The following BRINP2 variants were observed in gnomAD, a reference collection of about 807,000 sequenced individuals.
The protein encoded by BRINP2 is BMP/retinoic acid-inducible neural-specific protein 2.
BRINP2 carries 21 observed loss-of-function variants against 69.2 expected under a neutral mutation model. The observed-to-expected ratio is 0.30, with a 90% CI of 0.22 to 0.44. The LOEUF (loss-of-function observed/expected upper bound fraction) is 0.44. Ranked by LOEUF, BRINP2 falls within the 20% of genes least tolerant of loss-of-function variation. The probability of loss-of-function intolerance (pLI) is 1.00; values close to 1 mark genes in which losing one functional copy is unlikely to be tolerated. For synonymous variants in BRINP2, 380 were observed against 394.1 expected (o/e 0.96, Z 0.42); for missense variants, 877 against 986.0 (o/e 0.89, Z 1.48).
chr1:177,214,816 A>C (rs1328956787), intron 1 of BRINP2, among the ~76,000 whole-genome samples: 2 of 152,200 alleles, frequency 1.3e-5, no homozygotes, highest in African/African-American at 4.8e-5. Flanking sequence ...TATGGGGCAA[A>C]AAGTGATGCT....
At chr1:177,275,270 T>C (rs1194954534) in intron 5 of BRINP2, 7 of 455,938 alleles carry the variant, frequency 1.5e-5, no homozygotes, top group South Asian at 7.7e-5. Flanking sequence ...TGCAGTTGGG[T>C]GAGAAAACTG....
intron 1 of BRINP2, among the ~76,000 whole-genome samples, chr1:177,185,705 A>G (rs371720415): frequency 1.3e-5 from 2 of 152,230 alleles, no homozygotes; most frequent in East Asian, 1.9e-4. Flanking sequence ...GAGGAAACTG[A>G]GACACTGAAA....
intron 2 of BRINP2, among the ~76,000 whole-genome samples, chr1:177,236,706 T>C (rs1214867640): frequency 1.3e-5 from 2 of 152,038 alleles, no homozygotes; most frequent in Non-Finnish European, 2.9e-5. Flanking sequence ...GGTGGAGGCT[T>C]GTGGAATGGT....
At chr1:177,231,073 G>A (rs1649849321) in intron 2 of BRINP2, among the ~76,000 whole-genome samples, 1 of 152,170 alleles carries the variant, frequency 6.6e-6, no homozygotes, top group Non-Finnish European at 1.5e-5. Flanking sequence ...GGCAACTAAA[G>A]GTTCCTGTTG....
intron 2 of BRINP2, among the ~76,000 whole-genome samples, chr1:177,237,927 A>G (rs1416314067): frequency 2.0e-5 from 3 of 152,024 alleles, no homozygotes; most frequent in African/African-American, 4.8e-5. Context: ...AAGGATTCTC[A>G]ATATTTTTTT....
At chr1:177,222,583 A>C (rs1571907404) in intron 1 of BRINP2, among the ~76,000 whole-genome samples, 1 of 152,268 alleles carries the variant, frequency 6.6e-6, no homozygotes, top group East Asian at 1.9e-4. Flanking sequence ...AGGTGCTGGG[A>C]TTACAGGCGT....
intron 1 of BRINP2, among the ~76,000 whole-genome samples, chr1:177,179,466 A>G (rs1246425052): frequency 1.3e-5 from 2 of 152,114 alleles, no homozygotes; most frequent in Non-Finnish European, 2.9e-5. Context: ...ATGTTCCCAA[A>G]CCTATCCCCT....
In BRINP2 at chr1:177,275,352, A is replaced by G. The variant is rs187952662; in HGVS notation, c.776-846A>G. Among the ~76,000 whole-genome samples the G allele has an allele frequency of 1.6e-4, 25 of 152,322 alleles. 1 individual carries two copies. Among genetic ancestry groups the G allele is most frequent in the Admixed American group, 1.4e-3 (22 of 15,300 alleles). On this transcript the variant is annotated intron_variant, in intron 5 of 7. Transcript: ENST00000361539. ...TGGAAGAGAGCTGAGAGCCATTCATATCTATCCAGGCATGACTGATCTCAG... is the reference window on the plus strand; with the variant it reads ...TGGAAGAGAGCTGAGAGCCATTCATGTCTATCCAGGCATGACTGATCTCAG...
At position 177,281,629 on chromosome 1, in the gene BRINP2, C is replaced by G. The variant is rs368294584; in HGVS notation, c.*101C>G. The G allele has an allele frequency of 6.9e-6, 10 of 1,440,610 alleles. No homozygotes were observed. The South Asian group carries it at 1.2e-4, about 18-fold the overall frequency. 89.2% of individuals were successfully genotyped at this position (1,440,610 alleles called of 1,614,324 possible). ...TTAGTGCCAACAGGGTGTGCTCCCA[C>G]GAGACTTTCAGCATCCAGTAGATGG... On this transcript the variant is annotated 3_prime_UTR_variant, in exon 8 of 8. Transcript: ENST00000361539.
chr1:177,272,895 T>C (rs1033132884), intron 4 of BRINP2, among the ~76,000 whole-genome samples: 1 of 152,244 alleles, frequency 6.6e-6, no homozygotes, highest in African/African-American at 2.4e-5. Flanking sequence ...CTATGGTGTT[T>C]TGAAATATTA....
chr1:177,171,443 G>A lies in BRINP2; in HGVS notation c.-366G>A, dbSNP rs1647925805. 1.3e-5 allele frequency: 2 copies of A among 159,182 alleles called. No individual in the cohort carries two copies. The highest frequency in any genetic ancestry group is 2.7e-5 in the Non-Finnish European group (2 of 72,768). The allele number at this position is 159,182 out of a possible 1,614,324, so 9.9% of individuals were successfully genotyped here. ...TGCTCAGCGGGAAGGCAGCAGGCAA[G>A]TGGTCTAACGTTGGCGGCGGTGGCG... On this transcript the variant is annotated 5_prime_UTR_variant, in exon 1 of 8. In the 5' UTR this introduces an upstream ATG that the reference lacks. Transcript: ENST00000361539.
intron 2 of BRINP2, among the ~76,000 whole-genome samples, chr1:177,240,259 A>G (rs1480958921): frequency 6.6e-6 from 1 of 152,206 alleles, no homozygotes; most frequent in Non-Finnish European, 1.5e-5. Flanking sequence ...TGATCCCTTG[A>G]CATGAGTTAC....
chr1:177,280,382 TCTTA>T (rs1395545436), intron 7 of BRINP2, 26 bp from the exon 8 acceptor site: 1 of 1,557,134 alleles, frequency 6.4e-7, no homozygotes, highest in Non-Finnish European at 8.7e-7. Context: ...TTCTTTTGAC[TCTTA>T]CTTCATTTTA....
At chr1:177,228,354 G>T (rs1649763973) in intron 1 of BRINP2, among the ~76,000 whole-genome samples, 1 of 152,194 alleles carries the variant, frequency 6.6e-6, no homozygotes, top group African/African-American at 2.4e-5. Context: ...GGCTGGGAGA[G>T]TTCCAGAATT....
intron 1 of BRINP2, among the ~76,000 whole-genome samples, chr1:177,191,246 C>T (rs960310026): frequency 3.3e-5 from 5 of 152,186 alleles, no homozygotes; most frequent in Non-Finnish European, 7.3e-5. Flanking sequence ...ACAGCTAAGT[C>T]TTGGTTTGGG....
chr1:177,260,070 C>G (rs1408840206), intron 4 of BRINP2, among the ~76,000 whole-genome samples: 2 of 152,152 alleles, frequency 1.3e-5, no homozygotes, highest in African/African-American at 4.8e-5. Flanking sequence ...AGAAATAACA[C>G]TATTCTAGAT....
chr1:177,188,638 C>T (rs1276442069), intron 1 of BRINP2, among the ~76,000 whole-genome samples: 1 of 152,072 alleles, frequency 6.6e-6, no homozygotes, highest in Admixed American at 6.5e-5. Context: ...CTAGTAACTG[C>T]CCCATGACAC....
chr1:177,225,819 A>G (rs573836562), intron 1 of BRINP2, among the ~76,000 whole-genome samples: 1 of 152,410 alleles, frequency 6.6e-6, no homozygotes, highest in South Asian at 2.1e-4. Context: ...TTTCTTAAAA[A>G]GAGATTTCTT....
intron 7 of BRINP2, 68 bp from the exon 8 acceptor site, chr1:177,280,344 G>A (rs1651648341): frequency 2.8e-6 from 4 of 1,440,352 alleles, no homozygotes; most frequent in Non-Finnish European, 3.8e-6. Flanking sequence ...ATGTCTTGCT[G>A]CCCTTAAGAA....
Sources: gnomAD v4.1 joint callset for allele counts (sites outside exome capture counted in the v4.1 genomes callset) on GRCh38, gnomAD v4.1.1 for gene constraint, MANE v1.5 for transcripts, NCBI Gene and HGNC (gene_info 2026-07-23, HGNC 2026-07-21) for gene names.